Variants in GPC6 observed in about 807,000 individuals in gnomAD.
GPC6 encodes the protein glypican-6.
Under a neutral mutation model 55.2 loss-of-function variants are expected in GPC6, and 14 were observed. The observed-to-expected ratio is 0.25, with a 90% CI of 0.17 to 0.40. The LOEUF is 0.40. GPC6 is among the 10% of genes least tolerant of loss of function. The pLI is 1.00. For missense variants in GPC6, 641 were observed against 708.5 expected, an observed-to-expected ratio of 0.90 and a Z score of 1.08; for synonymous variants, 278 against 259.6, an observed-to-expected ratio of 1.07 and a Z score of -0.68.
At chr13:94,385,964 G>A (rs1416910590) in intron 7 of GPC6, among the ~76,000 whole-genome samples, 1 of 152,170 alleles carries the variant, frequency 6.6e-6, no homozygotes, top group African/African-American at 2.4e-5. Context: ...TCACCTATGT[G>A]AAATAAAAGA....
intron 2 of GPC6, among the ~76,000 whole-genome samples, chr13:93,654,430 C>T (rs1440427470): frequency 1.3e-5 from 2 of 151,962 alleles, no homozygotes; most frequent in South Asian, 2.1e-4. Flanking sequence ...TGGGTTCAAG[C>T]GGTTCTCCTG....
chr13:93,239,271 G>A (rs568462267), intron 1 of GPC6, among the ~76,000 whole-genome samples: 2 of 151,820 alleles, frequency 1.3e-5, no homozygotes, highest in African/African-American at 4.8e-5. Context: ...CTTGTTATTT[G>A]TCTGTTCAGG....
intron 3 of GPC6, among the ~76,000 whole-genome samples, chr13:93,998,736 A>T (rs1017495170): frequency 7.2e-5 from 11 of 152,178 alleles, no homozygotes; most frequent in Admixed American, 6.6e-4. Context: ...TGTATACATT[A>T]TATACAGCAT....
chr13:93,409,250 C>G (rs889498926), intron 1 of GPC6, among the ~76,000 whole-genome samples: 4 of 151,734 alleles, frequency 2.6e-5, no homozygotes, highest in African/African-American at 9.7e-5. Flanking sequence ...CTGCATTGCC[C>G]TACTCATTAG....
At chr13:94,259,909 C>T (rs1043152238) in intron 4 of GPC6, among the ~76,000 whole-genome samples, 7 of 152,176 alleles carry the variant, frequency 4.6e-5, no homozygotes, top group African/African-American at 1.7e-4. Flanking sequence ...CACATACACA[C>T]ACACACGCAC....
At chr13:93,218,222 T>C in the GPC6 span, among the ~76,000 whole-genome samples, 1 of 151,878 alleles carries the variant, frequency 6.6e-6, no homozygotes, top group African/African-American at 2.4e-5. Flanking sequence ...GCGAAGTTAA[T>C]ATAGAAGCAA....
intron 4 of GPC6, among the ~76,000 whole-genome samples, chr13:94,093,054 A>G (rs2138814673): frequency 6.6e-6 from 1 of 152,156 alleles, no homozygotes; most frequent in African/African-American, 2.4e-5. Flanking sequence ...TATTTTATCC[A>G]TTTCTTATAT....
intron 1 of GPC6, among the ~76,000 whole-genome samples, chr13:93,344,771 C>T (rs901169858): frequency 6.6e-6 from 1 of 152,184 alleles, no homozygotes; most frequent in African/African-American, 2.4e-5. Context: ...AGTCGAGTGA[C>T]CAGCAGCCTC....
intron 3 of GPC6, among the ~76,000 whole-genome samples, chr13:93,872,637 C>T (rs1047085410): frequency 6.6e-6 from 1 of 151,926 alleles, no homozygotes; most frequent in Admixed American, 6.6e-5. Context: ...CTCCAGCTTC[C>T]ATCATTTAAG....
chr13:93,606,880 C>T (rs1262391716), intron 2 of GPC6, among the ~76,000 whole-genome samples: 1 of 152,140 alleles, frequency 6.6e-6, no homozygotes, highest in South Asian at 2.1e-4. Context: ...ATTTTACAAA[C>T]AAATCAAACT....
At chr13:93,419,732 C>A (rs1876853700) in intron 1 of GPC6, among the ~76,000 whole-genome samples, 1 of 152,080 alleles carries the variant, frequency 6.6e-6, no homozygotes, top group South Asian at 2.1e-4. Flanking sequence ...TTCATGACAG[C>A]CATCCTCCTT....
intron 2 of GPC6, among the ~76,000 whole-genome samples, chr13:93,611,234 A>G (rs1301727144): frequency 6.6e-6 from 1 of 152,134 alleles, no homozygotes; most frequent in Non-Finnish European, 1.5e-5. Context: ...CAATGGTAAA[A>G]TTTAGACAAT....
At chr13:94,283,859 G>A (rs1261215906) in intron 4 of GPC6, among the ~76,000 whole-genome samples, 1 of 152,154 alleles carries the variant, frequency 6.6e-6, no homozygotes, top group African/African-American at 2.4e-5. Context: ...CAAAATATAA[G>A]TGGCAGAGAG....
intron 4 of GPC6, among the ~76,000 whole-genome samples, chr13:94,147,997 G>A (rs761919675): frequency 2.0e-5 from 3 of 152,176 alleles, no homozygotes; most frequent in Non-Finnish European, 4.4e-5. Context: ...TTTGAGCAGA[G>A]CACCTTGAGA....
intron 2 of GPC6, among the ~76,000 whole-genome samples, chr13:93,606,014 A>G (rs1878224845): frequency 6.6e-6 from 1 of 152,174 alleles, no homozygotes; most frequent in African/African-American, 2.4e-5. Context: ...TGATGGAAAT[A>G]TAGAGATACA....
chr13:93,262,750 A>G (rs758352056), intron 1 of GPC6, among the ~76,000 whole-genome samples: 7 of 152,100 alleles, frequency 4.6e-5, no homozygotes, highest in Non-Finnish European at 1.0e-4. Flanking sequence ...CACTGTACAA[A>G]TATATCATAC....
intron 1 of GPC6, among the ~76,000 whole-genome samples, chr13:93,464,481 A>C (rs1878830530): frequency 1.3e-5 from 2 of 152,194 alleles, no homozygotes; most frequent in African/African-American, 2.4e-5. Context: ...CTTCAGCAGG[A>C]GTGCGTTCCA....
rs114830016 is a variant in GPC6 at position 93,576,624 on chromosome 13, A to G, written c.319+31203A>G. On this transcript the variant is annotated intron_variant, in intron 2 of 8. Transcript: ENST00000377047. ...TGATAGTTCAGAAAAATTTCTTTCA[A>G]CTTTACAGCTCATTATTGATAGTGT... 3.0e-3 allele frequency among the ~76,000 whole-genome samples: 463 copies of G among 152,198 alleles called. 5 individuals carry two copies. The highest frequency in any genetic ancestry group is 0.011 in the African/African-American group (447 of 41,548).
intron 4 of GPC6, among the ~76,000 whole-genome samples, chr13:94,093,086 ATTATC>A (rs1885548602): frequency 6.6e-6 from 1 of 152,010 alleles, no homozygotes; most frequent in African/African-American, 2.4e-5. Context: ...TCAATTGATT[ATTATC>A]TTAACTGCAG....
Sources: allele counts gnomAD v4.1 joint callset (sites outside exome capture counted in the v4.1 genomes callset), GRCh38; gene constraint gnomAD v4.1.1; transcripts MANE v1.5; gene names NCBI Gene and HGNC (gene_info 2026-07-23, HGNC 2026-07-21).